The following ANK3 variants were observed in gnomAD, a reference collection of about 807,000 sequenced individuals.
ANK3 encodes the protein ankyrin-3.
Under a neutral mutation model 370.9 loss-of-function variants are expected in ANK3, and 57 were observed. That is an observed-to-expected ratio of 0.15 (90% confidence interval 0.12 to 0.19). The LOEUF (loss-of-function observed/expected upper bound fraction) is 0.19. Among genes scored for constraint, ANK3 ranks in the 10% least tolerant of loss-of-function variants. The pLI, the probability that ANK3 is intolerant of heterozygous loss-of-function variation, is 1.00. For missense variants in ANK3, 4,439 were observed against 5,302.1 expected, an observed-to-expected ratio of 0.84 and a Z score of 5.06; for synonymous variants, 1,929 against 1,946.3, an observed-to-expected ratio of 0.99 and a Z score of 0.23.
chr10:60,091,667 C>A (rs1054236131), intron 28 of ANK3, among the ~76,000 whole-genome samples: 4 of 151,874 alleles, frequency 2.6e-5, no homozygotes, highest in Non-Finnish European at 5.9e-5. Flanking sequence ...TGCTGTACAC[C>A]TGAGCAAGAT....
intron 25 of ANK3, among the ~76,000 whole-genome samples, chr10:60,119,399 C>T (rs895494348): frequency 2.6e-5 from 4 of 152,212 alleles, no homozygotes; most frequent in African/African-American, 2.4e-5. Context: ...TGACATGTTA[C>T]TGTGCATAGC....
chr10:60,190,459 A>G (rs1413007651), intron 16 of ANK3, among the ~76,000 whole-genome samples: 1 of 152,212 alleles, frequency 6.6e-6, no homozygotes, highest in East Asian at 1.9e-4. Flanking sequence ...AAAATACAAA[A>G]AATAAAAGCA....
intron 1 of ANK3, among the ~76,000 whole-genome samples, chr10:60,703,751 T>G (rs1453836231): frequency 6.6e-6 from 1 of 152,192 alleles, no homozygotes; most frequent in Non-Finnish European, 1.5e-5. Flanking sequence ...TCAATTGTAT[T>G]TCACCCTCTG....
At chr10:60,261,275 G>T (rs1481456471) in intron 7 of ANK3, among the ~76,000 whole-genome samples, 1 of 152,178 alleles carries the variant, frequency 6.6e-6, no homozygotes, top group Non-Finnish European at 1.5e-5. Flanking sequence ...TGAGAGCAGT[G>T]CTACTATGTT....
At chr10:60,196,448 G>T in intron 15 of ANK3, 79 bp downstream of exon 15, 1 of 1,023,530 alleles carries the variant, frequency 9.8e-7, no homozygotes, top group Non-Finnish European at 1.5e-6. Flanking sequence ...TAATTTGAGT[G>T]GCTATTAGTG....
intron 1 of ANK3, among the ~76,000 whole-genome samples, chr10:60,340,708 G>A (rs2054085110): frequency 1.3e-5 from 2 of 152,094 alleles, no homozygotes; most frequent in South Asian, 4.1e-4. Flanking sequence ...CACTGTGCCT[G>A]GCCAGAGATA....
At chr10:60,439,027 A>AT (rs1007183746) in intron 2 of ANK3, among the ~76,000 whole-genome samples, 8 of 152,298 alleles carry the variant, frequency 5.3e-5, no homozygotes, top group East Asian at 3.9e-4. Flanking sequence ...TTAAAATAAT[A>AT]TTTTTTTCTC....
intron 8 of ANK3, among the ~76,000 whole-genome samples, chr10:60,231,576 A>C (rs937469865): frequency 6.6e-6 from 1 of 152,022 alleles, no homozygotes; most frequent in Admixed American, 6.6e-5. Flanking sequence ...TCTCCTTTCT[A>C]TTTTTAGGCT....
intron 23 of ANK3, among the ~76,000 whole-genome samples, chr10:60,144,864 C>T (rs989236350): frequency 6.6e-6 from 1 of 152,230 alleles, no homozygotes; most frequent in East Asian, 1.9e-4. Flanking sequence ...TCATTATGCC[C>T]CCTAATGATC....
chr10:60,350,172 T>C (rs1177515105), intron 1 of ANK3, among the ~76,000 whole-genome samples: 1 of 152,212 alleles, frequency 6.6e-6, no homozygotes, highest in Non-Finnish European at 1.5e-5. Flanking sequence ...ATGTATTCAA[T>C]GTATGTAGAT....
At chr10:60,183,190 A>G (rs2096244877) in intron 17 of ANK3, among the ~76,000 whole-genome samples, 2 of 152,178 alleles carry the variant, frequency 1.3e-5, no homozygotes, top group East Asian at 1.9e-4. Flanking sequence ...AAGTTATTAC[A>G]TTTATGTGCA....
At chr10:60,624,117 G>A (rs1214624156) in intron 1 of ANK3, among the ~76,000 whole-genome samples, 2 of 151,866 alleles carry the variant, frequency 1.3e-5, no homozygotes, top group African/African-American at 4.8e-5. Flanking sequence ...CTTGTTACCT[G>A]GATGGTGAAA....
Position 60,068,969 on chromosome 10 carries a change from G to A in ANK3, c.11912C>T (p.Thr3971Ile). 1 of 1,611,628 alleles carries A rather than the reference G, an allele frequency of 6.2e-7. No homozygotes were observed. Among genetic ancestry groups the A allele is most frequent in the Non-Finnish European group, 8.5e-7 (1 of 1,178,528 alleles). The change falls in exon 37 of 44, where the codon ACT becomes ATT. Residue 3971 changes from threonine to isoleucine, a missense_variant. This residue lies in a region of ANK3 where 496 missense variants were observed against 529.3 expected (regional missense o/e 0.94). Coordinates refer to ENST00000280772, the MANE Select transcript of ANK3 (RefSeq NM_020987.5). ...GCTGGTGGTGGTGGTAGTGGTGGTA[G>A]TGGTGGTGGTGGTGGCAGTGGTGGT... ...TTTTTATTTT[T>I]TTTTTTTSCT...
At chr10:60,433,182 G>A (rs902600160) in intron 2 of ANK3, among the ~76,000 whole-genome samples, 2 of 152,100 alleles carry the variant, frequency 1.3e-5, no homozygotes, top group Non-Finnish European at 2.9e-5. Context: ...GTAACACCAG[G>A]CATGGTGGTT....
chr10:60,557,987 G>C (rs1444712954), intron 2 of ANK3, among the ~76,000 whole-genome samples: 2 of 152,158 alleles, frequency 1.3e-5, no homozygotes, highest in Non-Finnish European at 2.9e-5. Context: ...TAGTAAACAA[G>C]GTGGCTGTAT....
At chr10:60,230,707 G>C (rs1449867046) in intron 8 of ANK3, among the ~76,000 whole-genome samples, 1 of 152,046 alleles carries the variant, frequency 6.6e-6, no homozygotes, top group African/African-American at 2.4e-5. Context: ...TGGCTAACAC[G>C]GTGAAACCCC....
At chr10:60,145,418 C>A (rs1370237375) in intron 23 of ANK3, among the ~76,000 whole-genome samples, 1 of 152,040 alleles carries the variant, frequency 6.6e-6, no homozygotes, top group Non-Finnish European at 1.5e-5. Context: ...GATCATACAG[C>A]AAAGAGAGGA....
At chr10:60,222,195 C>T (rs1046491048) in intron 8 of ANK3, among the ~76,000 whole-genome samples, 1 of 152,148 alleles carries the variant, frequency 6.6e-6, no homozygotes, top group Admixed American at 6.5e-5. Flanking sequence ...AGGGATGCCT[C>T]ATCAGGAAGC....
At chr10:60,105,243 C>A (rs377134049) in intron 28 of ANK3, among the ~76,000 whole-genome samples, 1 of 151,674 alleles carries the variant, frequency 6.6e-6, no homozygotes, top group African/African-American at 2.4e-5. Flanking sequence ...GAAAACTCTG[C>A]GTCAAACACC....
Sources: allele counts gnomAD v4.1 joint callset (sites outside exome capture counted in the v4.1 genomes callset), GRCh38; gene constraint gnomAD v4.1.1; regional missense constraint gnomAD v4.1.1; transcripts MANE v1.5; gene names NCBI Gene and HGNC (gene_info 2026-07-23, HGNC 2026-07-21).